KCTD16: variants seen among roughly 807,000 people sequenced by gnomAD.
KCTD16 encodes BTB/POZ domain-containing protein KCTD16.
Under a neutral mutation model 33.2 loss-of-function variants are expected in KCTD16, and 13 were observed. That is an observed-to-expected ratio of 0.39 (90% CI 0.25 to 0.62). The LOEUF is 0.62. Among genes scored for constraint, KCTD16 ranks in the 20% least tolerant of loss-of-function variants. The probability of loss-of-function intolerance (pLI) is 0.50; values close to 1 mark genes in which losing one functional copy is unlikely to be tolerated. For synonymous variants in KCTD16, 197 were observed against 195.3 expected, an observed-to-expected ratio of 1.01 and a Z score of -0.07; for missense variants, 441 against 525.1, an observed-to-expected ratio of 0.84 and a Z score of 1.57.
intron 3 of KCTD16, among the ~76,000 whole-genome samples, chr5:144,322,457 G>C (rs1282820084): frequency 2.0e-5 from 3 of 151,952 alleles, no homozygotes; most frequent in Non-Finnish European, 2.9e-5. Context: ...AACTTGGAGT[G>C]ACTGACACCC....
intron 3 of KCTD16, among the ~76,000 whole-genome samples, chr5:144,350,905 C>T (rs1341593321): frequency 2.0e-5 from 3 of 151,370 alleles, no homozygotes; most frequent in Admixed American, 6.6e-5. Flanking sequence ...AATTGTCATG[C>T]AGCTTGTATA....
intron 3 of KCTD16, among the ~76,000 whole-genome samples, chr5:144,393,136 C>A (rs1360503856): frequency 2.0e-5 from 3 of 152,154 alleles, no homozygotes; most frequent in South Asian, 2.1e-4. Context: ...CTTAGCACTT[C>A]TGAATTCTGT....
chr5:144,418,012 T>C lies in KCTD16; in HGVS notation c.833-55648T>C, dbSNP rs564600319. ...CCAGAGTTTCTTCCTTCTGGTGGGC[T>C]CGTAGTCTTGCTGACTTCAGGTGTG... On this transcript the variant is annotated intron_variant, in intron 3 of 3. Coordinates refer to ENST00000512467, the MANE Select transcript of KCTD16 (RefSeq NM_020768.4). 1.1e-4 allele frequency among the ~76,000 whole-genome samples: 16 copies of C among 152,292 alleles called. No individual in the cohort carries two copies. In the South Asian group the frequency reaches 3.3e-3, roughly 32 times the overall value.
Position 144,367,477 on chromosome 5 carries a change from C to T in KCTD16, c.833-106183C>T, listed in dbSNP as rs928084507. On this transcript the variant is annotated intron_variant, in intron 3 of 3. Coordinates refer to ENST00000512467, the MANE Select transcript of KCTD16 (RefSeq NM_020768.4). ...AACTTATATTTTATTAAGGGAATTT[C>T]CATGATTTACAACCAAGAGAACCAT... is the stretch of plus-strand genomic sequence containing the variant. 1.4e-4 allele frequency among the ~76,000 whole-genome samples: 22 copies of T among 152,182 alleles called. No individual in the cohort carries two copies. In the South Asian group the frequency reaches 1.7e-3, roughly 12 times the overall value.
chr5:144,427,034 G>A (rs1163930713), intron 3 of KCTD16, among the ~76,000 whole-genome samples: 2 of 152,022 alleles, frequency 1.3e-5, no homozygotes, highest in African/African-American at 4.8e-5. Context: ...CGTATTCTCT[G>A]TTCCCTCTTC....
At chr5:144,246,423 G>A (rs546532282) in intron 3 of KCTD16, among the ~76,000 whole-genome samples, 65 of 152,198 alleles carry the variant, frequency 4.3e-4, no homozygotes, top group African/African-American at 1.5e-3. Flanking sequence ...CATTTATTTA[G>A]GGGACAAAAT....
intron 3 of KCTD16, among the ~76,000 whole-genome samples, chr5:144,399,886 G>C (rs973674301): frequency 1.3e-5 from 2 of 152,098 alleles, no homozygotes; most frequent in African/African-American, 4.8e-5. Context: ...AGTTTCCGGT[G>C]CTAGAACTTC....
At chr5:144,311,936 A>G (rs1214462704) in intron 3 of KCTD16, among the ~76,000 whole-genome samples, 1 of 152,066 alleles carries the variant, frequency 6.6e-6, no homozygotes, top group Non-Finnish European at 1.5e-5. Flanking sequence ...CAAATCTTAA[A>G]AGGTGATTTC....
Position 144,367,929 on chromosome 5 carries a change from A to C in KCTD16, c.833-105731A>C, listed in dbSNP as rs552895319. Reference sequence around the variant, plus strand: ...GTATTCAGTTTTCTGTTCTTGCCTTAAATTCTGAAATATTAAACTCTTCTG... The same window carrying C: ...GTATTCAGTTTTCTGTTCTTGCCTTCAATTCTGAAATATTAAACTCTTCTG... On this transcript the variant is annotated intron_variant, in intron 3 of 3. Coordinates refer to ENST00000512467, the MANE Select transcript of KCTD16 (RefSeq NM_020768.4). 4.0e-5 allele frequency among the ~76,000 whole-genome samples: 6 copies of C among 151,430 alleles called. No homozygotes were observed. The East Asian group carries it at 1.2e-3, about 29-fold the overall frequency.
chr5:144,441,069 T>A (rs1753696160), intron 3 of KCTD16, among the ~76,000 whole-genome samples: 1 of 152,166 alleles, frequency 6.6e-6, no homozygotes, highest in African/African-American at 2.4e-5. Context: ...TATCTGTAGA[T>A]CTTTGGATCT....
At chr5:144,257,645 C>T (rs1447295198) in intron 3 of KCTD16, among the ~76,000 whole-genome samples, 3 of 152,016 alleles carry the variant, frequency 2.0e-5, no homozygotes, top group Non-Finnish European at 4.4e-5. Context: ...CCCACCACCA[C>T]GCCTGGCTAA....
At chr5:144,190,650 C>T (rs929961797) in intron 2 of KCTD16, among the ~76,000 whole-genome samples, 8 of 152,124 alleles carry the variant, frequency 5.3e-5, no homozygotes, top group East Asian at 1.9e-4. Context: ...CACTTTTCCC[C>T]TACCTCTTTC....
At chr5:144,375,787 C>A (rs574734179) in intron 3 of KCTD16, among the ~76,000 whole-genome samples, 2 of 152,036 alleles carry the variant, frequency 1.3e-5, no homozygotes, top group Non-Finnish European at 2.9e-5. Flanking sequence ...ACATCAAACT[C>A]CTTCCCTTCC....
In KCTD16 at chr5:144,421,446, T is replaced by C. The variant is rs571297347; in HGVS notation, c.833-52214T>C. 1.2e-4 allele frequency among the ~76,000 whole-genome samples: 18 copies of C among 152,178 alleles called. No individual in the cohort carries two copies. In the South Asian group the frequency reaches 3.1e-3, roughly 26 times the overall value. On this transcript the variant is annotated intron_variant, in intron 3 of 3. Coordinates refer to ENST00000512467, the MANE Select transcript of KCTD16 (RefSeq NM_020768.4). ...ATAAAGGAGACTGCGGCACATTGGATAAAGGAGTAGGAAGAATATTTTTGT... is the reference window on the plus strand; with the variant it reads ...ATAAAGGAGACTGCGGCACATTGGACAAAGGAGTAGGAAGAATATTTTTGT...
intron 3 of KCTD16, among the ~76,000 whole-genome samples, chr5:144,284,485 A>G (rs989920401): frequency 1.3e-4 from 20 of 152,244 alleles, no homozygotes; most frequent in Admixed American, 7.2e-4. Flanking sequence ...CTCTAACAGT[A>G]ACAATTCTCT....
At chr5:144,394,604 C>T (rs1024395062) in intron 3 of KCTD16, among the ~76,000 whole-genome samples, 2 of 152,202 alleles carry the variant, frequency 1.3e-5, no homozygotes, top group East Asian at 1.9e-4. Context: ...CCCCACATGT[C>T]GAGAGACGGA....
chr5:144,468,934 T>C (rs1412557273), intron 3 of KCTD16, among the ~76,000 whole-genome samples: 1 of 152,246 alleles, frequency 6.6e-6, no homozygotes, highest in Non-Finnish European at 1.5e-5. Flanking sequence ...AAATATTCTG[T>C]AGTCTTTTCT....
intron 3 of KCTD16, among the ~76,000 whole-genome samples, chr5:144,230,122 ACAGAG>A (rs1379293746): frequency 6.6e-6 from 1 of 152,202 alleles, no homozygotes; most frequent in Non-Finnish European, 1.5e-5. Context: ...AGCCTGGGTG[ACAGAG>A]CAAGACTCTG....
intron 2 of KCTD16, among the ~76,000 whole-genome samples, chr5:144,179,003 T>C (rs1404552664): frequency 6.6e-6 from 1 of 152,220 alleles, no homozygotes; most frequent in Admixed American, 6.5e-5. Context: ...ACCCCTCGTT[T>C]AACTGGCTAC....
Sources: gnomAD v4.1 joint callset for allele counts (sites outside exome capture counted in the v4.1 genomes callset) on GRCh38, gnomAD v4.1.1 for gene constraint, MANE v1.5 for transcripts, NCBI Gene and HGNC (gene_info 2026-07-23, HGNC 2026-07-21) for gene names.